The following PPFIA1 variants were observed in gnomAD, a reference collection of about 807,000 sequenced individuals.
PPFIA1 encodes liprin-alpha-1.
A neutral mutation model predicts 149.9 loss-of-function variants in PPFIA1; 25 were observed. That is an observed-to-expected ratio of 0.17 (90% CI 0.12 to 0.23). The LOEUF (loss-of-function observed/expected upper bound fraction) is 0.23, where lower values mean the gene tolerates loss of function less well. PPFIA1 is among the 10% of genes least tolerant of loss of function. The probability of loss-of-function intolerance (pLI) is 1.00; values close to 1 mark genes in which losing one functional copy is unlikely to be tolerated. For synonymous variants in PPFIA1, 549 were observed against 552.8 expected (o/e 0.99, Z 0.10); for missense variants, 1,362 against 1,506.5 (o/e 0.90, Z 1.59).
chr11:70,350,219 C>G (rs1485468721), intron 16 of PPFIA1, among the ~76,000 whole-genome samples: 1 of 152,036 alleles, frequency 6.6e-6, no homozygotes, highest in Non-Finnish European at 1.5e-5. Flanking sequence ...AGTTTTTTTA[C>G]TCAAATTATG....
intron 21 of PPFIA1, among the ~76,000 whole-genome samples, chr11:70,366,580 TGTC>T (rs1336475320): frequency 6.6e-5 from 10 of 152,374 alleles, no homozygotes; most frequent in African/African-American, 1.9e-4. Flanking sequence ...CTTGCCGAAA[TGTC>T]GTGCGACGCC....
At chr11:70,321,778 A>G (rs921045072) in intron 2 of PPFIA1, among the ~76,000 whole-genome samples, 5 of 152,268 alleles carry the variant, frequency 3.3e-5, no homozygotes, top group Non-Finnish European at 7.3e-5. Flanking sequence ...ATGGAGGGGC[A>G]CAATGATAAA....
chr11:70,290,314 A>C (rs2051442106), intron 2 of PPFIA1, among the ~76,000 whole-genome samples: 1 of 152,212 alleles, frequency 6.6e-6, no homozygotes, highest in Non-Finnish European at 1.5e-5. Flanking sequence ...GTAAACTCAG[A>C]AGTCTTGCAC....
At chr11:70,367,068 G>A (rs12275079) in intron 21 of PPFIA1, among the ~76,000 whole-genome samples, 6,520 of 152,166 alleles carry the variant, frequency 0.043, 501 homozygotes, top group African/African-American at 0.15. Flanking sequence ...TTCCACCAAG[G>A]AGCAGAATTT....
intron 8 of PPFIA1, among the ~76,000 whole-genome samples, chr11:70,330,980 T>C (rs528965860): frequency 1.3e-5 from 2 of 152,140 alleles, no homozygotes; most frequent in South Asian, 4.2e-4. Flanking sequence ...ACACCTGTAA[T>C]CCCAGCACTT....
At chr11:70,332,197 C>G (rs1408634262) in intron 9 of PPFIA1, 103 bp downstream of exon 9, 2 of 1,364,364 alleles carry the variant, frequency 1.5e-6, no homozygotes, top group Non-Finnish European at 1.9e-6. Context: ...CACCTAAATC[C>G]GTGGAAGAGC....
intron 2 of PPFIA1, among the ~76,000 whole-genome samples, chr11:70,278,213 T>A (rs959980880): frequency 2.6e-5 from 4 of 152,106 alleles, no homozygotes; most frequent in African/African-American, 9.7e-5. Flanking sequence ...CTGGCCTTTT[T>A]TTTTTTAAAT....
At chr11:70,354,518 G>A (rs2056251115) in intron 17 of PPFIA1, 66 bp downstream of exon 17, 8 of 1,489,400 alleles carry the variant, frequency 5.4e-6, no homozygotes, top group Non-Finnish European at 7.2e-6. Flanking sequence ...TTGAGAAATC[G>A]ACAAATCTTT....
Position 70,339,174 on chromosome 11 carries a change from A to G in PPFIA1, c.1575A>G (p.Arg525=), listed in dbSNP as rs144561273. 4 of 1,613,310 alleles carry G rather than the reference A, an allele frequency of 2.5e-6. No homozygotes were observed. The African/African-American group carries it at 5.3e-5, about 22-fold the overall frequency. Reference sequence around the variant, plus strand: ...ATTCTTATTTTTCATGTTTCAGCCGACCCCACTTGGGCAGTGTCCCAGATT... The same window carrying G: ...ATTCTTATTTTTCATGTTTCAGCCGGCCCCACTTGGGCAGTGTCCCAGATT... The part of the protein sequence containing the change: ...RLRGASLHHG[R]PHLGSVPDFR... Residue 525 remains arginine, a synonymous_variant, in exon 14 of 28, where the codon CGA becomes CGG. Transcript: ENST00000253925.
At position 70,369,293 on chromosome 11, in the gene PPFIA1, TTTTCAAATGTTGAA is replaced by T. The variant is rs539449840; in HGVS notation, c.2866-2920_2866-2907del. Among the ~76,000 whole-genome samples the T allele has an allele frequency of 2.6e-3, 393 of 152,342 alleles. 1 individual carries two copies. Among genetic ancestry groups the T allele is most frequent in the Non-Finnish European group, 4.5e-3 (303 of 68,026 alleles). On this transcript the variant is annotated intron_variant, in intron 21 of 27. Transcript: ENST00000253925. Reference sequence around the variant, plus strand: ...ATATGGTGAGTTTCATTGATTTTTCTTTTCAAATGTTGAATCAACTTATGTTTCTAGAATAATAA... The same window carrying T: ...ATATGGTGAGTTTCATTGATTTTTCTTCAACTTATGTTTCTAGAATAATAA...
chr11:70,317,447 C>A (rs2053702282), intron 2 of PPFIA1, among the ~76,000 whole-genome samples: 2 of 152,114 alleles, frequency 1.3e-5, no homozygotes. Context: ...TCATGAACGT[C>A]TATGAATTCG....
At chr11:70,305,817 C>T (rs1445321441) in intron 2 of PPFIA1, among the ~76,000 whole-genome samples, 4 of 152,090 alleles carry the variant, frequency 2.6e-5, no homozygotes, top group Admixed American at 1.3e-4. Flanking sequence ...TATATTTGGG[C>T]ATATGTTAGG....
At position 70,332,111 on chromosome 11, in the gene PPFIA1, C is replaced by T. The variant is rs774523775; in HGVS notation, c.1212+17C>T. ...CTTTCCAAGGTAGTGCCATGAGCTT[C>T]ATTCTGGTTCGGCTGCCAGGCCTGT... On this transcript the variant is annotated intron_variant, in intron 9 of 27. Coordinates refer to ENST00000253925, the MANE Select transcript of PPFIA1 (RefSeq NM_003626.5). 121 of 1,571,090 alleles carry T rather than the reference C, an allele frequency of 7.7e-5. 1 individual carries two copies. The South Asian group carries it at 1.4e-3, about 18-fold the overall frequency.
intron 2 of PPFIA1, among the ~76,000 whole-genome samples, chr11:70,303,607 CAG>C: frequency 6.6e-6 from 1 of 152,318 alleles, no homozygotes; most frequent in East Asian, 1.9e-4. Context: ...GCCCCTGGCA[CAG>C]AGCTTCTCAA....
Position 70,272,512 on chromosome 11 carries a change from T to G in PPFIA1, c.264+76T>G, listed in dbSNP as rs753379706. On this transcript the variant is annotated intron_variant, in intron 2 of 27. Transcript: ENST00000253925. ...TTTTATTAGTGTCATCTTTTGTTAA[T>G]GTTTCAGATGAGTATTTTCCGTAAC... 7.7e-6 allele frequency: 11 copies of G among 1,428,144 alleles called. No individual in the cohort carries two copies. The Admixed American group carries it at 8.9e-5, about 12-fold the overall frequency. The allele number at this position is 1,428,144 out of a possible 1,614,324, so 88.5% of individuals were successfully genotyped here.
chr11:70,299,622 G>T (rs2052338559), intron 2 of PPFIA1, among the ~76,000 whole-genome samples: 1 of 152,096 alleles, frequency 6.6e-6, no homozygotes, highest in Non-Finnish European at 1.5e-5. Flanking sequence ...TGTCCATTGG[G>T]TGTCCTGCTG....
chr11:70,276,705 G>A (rs1249327776), intron 2 of PPFIA1, among the ~76,000 whole-genome samples: 2 of 152,120 alleles, frequency 1.3e-5, no homozygotes, highest in African/African-American at 4.8e-5. Context: ...ATAGGTAGAT[G>A]TAGGATTTTG....
intron 2 of PPFIA1, among the ~76,000 whole-genome samples, chr11:70,293,838 T>TCCTAGGAAGACAGTTGGAAAGC (rs1226093571): frequency 6.6e-6 from 1 of 151,534 alleles, no homozygotes; most frequent in African/African-American, 2.4e-5. Context: ...CTCGAAGGGG[T>TCCTAGGAAGACAGTTGGAAAGC]CCTAGGAAGA....
intron 19 of PPFIA1, among the ~76,000 whole-genome samples, chr11:70,359,631 G>C (rs973493627): frequency 1.3e-5 from 2 of 152,164 alleles, no homozygotes; most frequent in Non-Finnish European, 2.9e-5. Context: ...TTGAGAGAAA[G>C]TACTTCCTCC....
Sources: allele counts gnomAD v4.1 joint callset (sites outside exome capture counted in the v4.1 genomes callset), GRCh38; gene constraint gnomAD v4.1.1; transcripts MANE v1.5; gene names NCBI Gene and HGNC (gene_info 2026-07-23, HGNC 2026-07-21).